Variants in LOC128125817 observed in about 807,000 individuals in gnomAD.
chr1:41,616,067 G>A, the LOC128125817 span, among the ~76,000 whole-genome samples: 1 of 152,040 alleles, frequency 6.6e-6, no homozygotes, highest in African/African-American at 2.4e-5. Context: ...ACATGCCCCA[G>A]GTGGGGAGCT....
the LOC128125817 span, among the ~76,000 whole-genome samples, chr1:41,611,893 G>T: frequency 6.6e-6 from 1 of 152,152 alleles, no homozygotes; most frequent in African/African-American, 2.4e-5. Context: ...CCTGAGGTCG[G>T]CTCACCCCAG....
At chr1:41,607,780 G>A in the LOC128125817 span, among the ~76,000 whole-genome samples, 1 of 152,218 alleles carries the variant, frequency 6.6e-6, no homozygotes, top group South Asian at 2.1e-4. Flanking sequence ...GCTTAGACGA[G>A]ACAGTTTATT....
chr1:41,618,413 G>A, the LOC128125817 span, among the ~76,000 whole-genome samples: 1 of 152,350 alleles, frequency 6.6e-6, no homozygotes, highest in South Asian at 2.1e-4. Flanking sequence ...CTCGGGCCCT[G>A]AACCTGCTGG....
At chr1:41,615,493 G>A in the LOC128125817 span, among the ~76,000 whole-genome samples, 1 of 152,246 alleles carries the variant, frequency 6.6e-6, no homozygotes, top group Admixed American at 6.5e-5. Flanking sequence ...TGGGCCCAAG[G>A]AAGAGAAGGG....
the LOC128125817 span, among the ~76,000 whole-genome samples, chr1:41,609,522 G>A: frequency 1.3e-5 from 2 of 151,868 alleles, no homozygotes; most frequent in Non-Finnish European, 2.9e-5. Context: ...GAGATTCAGC[G>A]AGCTATCTAC....
chr1:41,606,191 G>T, the LOC128125817 span, among the ~76,000 whole-genome samples: 13 of 151,844 alleles, frequency 8.6e-5, no homozygotes, highest in Middle Eastern at 3.4e-3. Context: ...ACAATTTTTG[G>T]TGGTTACCAA....
At chr1:41,612,094 C>A in the LOC128125817 span, among the ~76,000 whole-genome samples, 2 of 152,292 alleles carry the variant, frequency 1.3e-5, no homozygotes, top group East Asian at 3.9e-4. Flanking sequence ...CTCCCACTCC[C>A]ACCCACCTGT....
chr1:41,598,402 C>T, the LOC128125817 span, among the ~76,000 whole-genome samples: 1 of 152,094 alleles, frequency 6.6e-6, no homozygotes, highest in Admixed American at 6.5e-5. Flanking sequence ...ATAGAATACA[C>T]AATAATATAT....
chr1:41,616,060 T>C, the LOC128125817 span, among the ~76,000 whole-genome samples: 1 of 152,176 alleles, frequency 6.6e-6, no homozygotes, highest in East Asian at 1.9e-4. Context: ...ACAAGAGACA[T>C]GCCCCAGGTG....
the LOC128125817 span, among the ~76,000 whole-genome samples, chr1:41,599,640 T>C: frequency 6.6e-6 from 1 of 152,046 alleles, no homozygotes; most frequent in Non-Finnish European, 1.5e-5. Flanking sequence ...TTAGAAAACA[T>C]AAGGAAGAAG....
the LOC128125817 span, among the ~76,000 whole-genome samples, chr1:41,603,494 G>A: frequency 6.6e-6 from 1 of 151,992 alleles, no homozygotes; most frequent in African/African-American, 2.4e-5. Flanking sequence ...TCAGCAGCTG[G>A]GATTACAGGC....
At chr1:41,614,643 A>C in the LOC128125817 span, among the ~76,000 whole-genome samples, 2 of 152,216 alleles carry the variant, frequency 1.3e-5, no homozygotes, top group Non-Finnish European at 1.5e-5. Flanking sequence ...ACAAAAACAA[A>C]ATAGGAACAC....
At chr1:41,600,330 G>A in the LOC128125817 span, among the ~76,000 whole-genome samples, 1 of 152,192 alleles carries the variant, frequency 6.6e-6, no homozygotes, top group Non-Finnish European at 1.5e-5. Flanking sequence ...GTCCATTGAT[G>A]AATGAATGGA....
the LOC128125817 span, among the ~76,000 whole-genome samples, chr1:41,586,061 A>C: frequency 1.3e-5 from 2 of 152,180 alleles, no homozygotes; most frequent in African/African-American, 2.4e-5. Context: ...CATTTGCTTG[A>C]TCCAAGCAAT....
chr1:41,626,181 C>T, the LOC128125817 span, among the ~76,000 whole-genome samples: 1 of 151,564 alleles, frequency 6.6e-6, no homozygotes. Context: ...ATGGGCCACC[C>T]CGCCCTCCCC....
the LOC128125817 span, among the ~76,000 whole-genome samples, chr1:41,594,323 T>C: frequency 6.6e-6 from 1 of 152,258 alleles, no homozygotes; most frequent in East Asian, 1.9e-4. Context: ...CCTGGGTTCA[T>C]GCAATTCTCC....
At chr1:41,594,083 GATCCTTA>G in the LOC128125817 span, among the ~76,000 whole-genome samples, 2 of 152,116 alleles carry the variant, frequency 1.3e-5, no homozygotes, top group Admixed American at 6.5e-5. Flanking sequence ...TCCACCTCAA[GATCCTTA>G]ATTAAATCAC....
At chr1:41,627,927 C>T in the LOC128125817 span, among the ~76,000 whole-genome samples, 1 of 151,986 alleles carries the variant, frequency 6.6e-6, no homozygotes, top group African/African-American at 2.4e-5. Flanking sequence ...ACCAGGCACC[C>T]TCTTTCTAAT....
chr1:41,627,294 G>C, the LOC128125817 span, among the ~76,000 whole-genome samples: 1 of 152,344 alleles, frequency 6.6e-6, no homozygotes, highest in Admixed American at 6.5e-5. Flanking sequence ...TTTTGCAAGT[G>C]AGAAGGATGA....
Sources: gnomAD v4.1 joint callset for allele counts (sites outside exome capture counted in the v4.1 genomes callset) on GRCh38, gnomAD v4.1.1 for gene constraint, MANE v1.5 for transcripts.